The following COL24A1 variants were observed in gnomAD, a reference collection of about 807,000 sequenced individuals.
The protein encoded by COL24A1 is collagen type XXIV alpha 1 chain.
In COL24A1, 224 loss-of-function variants were observed where a neutral mutation model predicts 253.9. The ratio of observed to expected loss-of-function variants is 0.88; its 90% confidence interval spans 0.79 to 0.99. COL24A1 has a LOEUF of 0.99. Ranked by LOEUF, COL24A1 falls within the 50% of genes least tolerant of loss-of-function variation. COL24A1 has a pLI of 0.00. For missense variants in COL24A1, 2,131 were observed against 2,068.5 expected (o/e 1.03, Z -0.59); for synonymous variants, 685 against 673.7 (o/e 1.02, Z -0.26).
At chr1:85,783,050 C>G (rs1228564971) in intron 51 of COL24A1, among the ~76,000 whole-genome samples, 3 of 152,136 alleles carry the variant, frequency 2.0e-5, no homozygotes, top group Non-Finnish European at 4.4e-5. Flanking sequence ...CCTCATCACT[C>G]TCTTGGGATA....
intron 24 of COL24A1, 87 bp from the exon 25 acceptor site, chr1:85,911,520 G>A: frequency 9.6e-7 from 1 of 1,045,904 alleles, no homozygotes; most frequent in Non-Finnish European, 1.5e-6. Context: ...TAATCACTAT[G>A]TTTCTTTCTA....
At chr1:85,945,114 T>A (rs1472317257) in intron 24 of COL24A1, among the ~76,000 whole-genome samples, 1 of 141,186 alleles carries the variant, frequency 7.1e-6, no homozygotes, top group South Asian at 2.5e-4. Flanking sequence ...GCCTCCCAGG[T>A]TCAAGCAATT....
intron 24 of COL24A1, among the ~76,000 whole-genome samples, chr1:85,917,449 A>G (rs1322074785): frequency 6.6e-6 from 1 of 151,442 alleles, no homozygotes; most frequent in East Asian, 1.9e-4. Flanking sequence ...TGCTCAACTT[A>G]TTTTTTCCCA....
intron 5 of COL24A1, among the ~76,000 whole-genome samples, chr1:86,110,904 A>G (rs1274036250): frequency 1.3e-5 from 2 of 149,800 alleles, no homozygotes; most frequent in African/African-American, 4.9e-5. Context: ...GCCTGGTCCC[A>G]TCGACTGCCC....
chr1:86,061,415 CT>C (rs1194694987), intron 8 of COL24A1, among the ~76,000 whole-genome samples: 10 of 152,050 alleles, frequency 6.6e-5, no homozygotes, highest in Non-Finnish European at 1.3e-4. Flanking sequence ...ACCACCATCC[CT>C]TTTCCATTCC....
chr1:86,015,476 C>T (rs984304572), intron 19 of COL24A1, among the ~76,000 whole-genome samples: 2 of 152,138 alleles, frequency 1.3e-5, no homozygotes. Flanking sequence ...ATGGCGCATG[C>T]ATCCTTTAAC....
intron 34 of COL24A1, 129 bp from the exon 35 acceptor site, chr1:85,874,831 GA>G: frequency 1.1e-6 from 1 of 900,794 alleles, no homozygotes; most frequent in Non-Finnish European, 1.7e-6. Context: ...GGCCTGTTAG[GA>G]AATGGGCTGC....
intron 13 of COL24A1, 68 bp downstream of exon 13, chr1:86,033,802 T>A (rs1317008820): frequency 6.1e-6 from 8 of 1,320,576 alleles, no homozygotes; most frequent in Middle Eastern, 1.8e-4. Flanking sequence ...TAATAAGGAC[T>A]GTAAGTGCAG....
chr1:85,923,226 C>T (rs1315129070), intron 24 of COL24A1, among the ~76,000 whole-genome samples: 1 of 152,168 alleles, frequency 6.6e-6, no homozygotes, highest in Non-Finnish European at 1.5e-5. Context: ...TAATGGGAAA[C>T]TTTAACACCC....
intron 53 of COL24A1, among the ~76,000 whole-genome samples, chr1:85,768,582 T>C (rs1667618565): frequency 2.3e-4 from 7 of 30,358 alleles, no homozygotes; most frequent in Admixed American, 2.0e-3. Flanking sequence ...GTTAGTTCTT[T>C]TGTGCGGGGG....
intron 53 of COL24A1, among the ~76,000 whole-genome samples, chr1:85,769,378 C>A (rs1667722382): frequency 6.6e-6 from 1 of 151,746 alleles, no homozygotes; most frequent in African/African-American, 2.4e-5. Context: ...AAGGTGGGGG[C>A]ACTGCTATTC....
At chr1:86,020,783 T>C (rs1307888194) in intron 18 of COL24A1, among the ~76,000 whole-genome samples, 1 of 152,216 alleles carries the variant, frequency 6.6e-6, no homozygotes, top group Non-Finnish European at 1.5e-5. Flanking sequence ...AGTCTTTATA[T>C]GGTTTAGAAC....
At chr1:85,851,227 G>A (rs1240663703) in intron 37 of COL24A1, among the ~76,000 whole-genome samples, 3 of 151,746 alleles carry the variant, frequency 2.0e-5, no homozygotes, top group Admixed American at 2.0e-4. Flanking sequence ...CATACTTTAT[G>A]TGTTCTCCTG....
At chr1:85,988,253 TCC>T (rs1693911168) in intron 19 of COL24A1, among the ~76,000 whole-genome samples, 1 of 151,990 alleles carries the variant, frequency 6.6e-6, no homozygotes, top group Non-Finnish European at 1.5e-5. Context: ...TCTTACAAGT[TCC>T]ATCATTAATT....
intron 47 of COL24A1, among the ~76,000 whole-genome samples, chr1:85,800,404 C>T (rs904202829): frequency 2.6e-5 from 4 of 152,122 alleles, no homozygotes; most frequent in Non-Finnish European, 5.9e-5. Flanking sequence ...TACTGATGAC[C>T]TCCACTTACT....
At chr1:85,866,182 G>A (rs1679775932) in intron 37 of COL24A1, among the ~76,000 whole-genome samples, 1 of 152,136 alleles carries the variant, frequency 6.6e-6, no homozygotes, top group Non-Finnish European at 1.5e-5. Flanking sequence ...AGAATCACTT[G>A]AACCCGGGAG....
At chr1:85,756,679 A>T (rs1043537929) in intron 55 of COL24A1, among the ~76,000 whole-genome samples, 4 of 152,178 alleles carry the variant, frequency 2.6e-5, no homozygotes, top group African/African-American at 4.8e-5. Flanking sequence ...TTAGACATAG[A>T]ATTACTACAT....
chr1:85,880,724 G>GT (rs34218225), intron 32 of COL24A1, among the ~76,000 whole-genome samples: 93,158 of 150,444 alleles, frequency 0.62, 29,068 homozygotes, highest in South Asian at 0.81. Context: ...AAGTTTGAGA[G>GT]TTTTTTTTTT....
intron 38 of COL24A1, among the ~76,000 whole-genome samples, chr1:85,848,851 T>C (rs770336232): frequency 1.4e-4 from 21 of 152,212 alleles, no homozygotes; most frequent in Non-Finnish European, 2.6e-4. Flanking sequence ...TGTCTCACTA[T>C]GAATGTTGAT....
Sources: allele counts gnomAD v4.1 joint callset (sites outside exome capture counted in the v4.1 genomes callset), GRCh38; gene constraint gnomAD v4.1.1; transcripts MANE v1.5; gene names NCBI Gene and HGNC (gene_info 2026-07-23, HGNC 2026-07-21).